The following MAST4 variants were observed in gnomAD, a reference collection of about 807,000 sequenced individuals.
MAST4 encodes microtubule associated serine/threonine kinase family member 4, also known as microtubule-associated serine/threonine-protein kinase 4.
A neutral mutation model predicts 162.7 loss-of-function variants in MAST4; 89 were observed. The observed-to-expected ratio is 0.55, with a 90% CI of 0.46 to 0.65. The LOEUF (loss-of-function observed/expected upper bound fraction) is 0.65, where lower values mean the gene tolerates loss of function less well. MAST4 is among the 30% of genes least tolerant of loss of function. The pLI, the probability that MAST4 is intolerant of heterozygous loss-of-function variation, is 0.00. For missense variants in MAST4, 3,153 were observed against 3,374.0 expected (o/e 0.93, Z 1.62); for synonymous variants, 1,479 against 1,361.1 (o/e 1.09, Z -1.91).
chr5:66,833,859 G>C (rs1757776957), intron 3 of MAST4, among the ~76,000 whole-genome samples: 1 of 152,122 alleles, frequency 6.6e-6, no homozygotes, highest in Non-Finnish European at 1.5e-5. Context: ...AGGATTACTG[G>C]TTTTGGAGTC....
intron 4 of MAST4, among the ~76,000 whole-genome samples, chr5:66,901,739 A>G (rs187997012): frequency 8.5e-5 from 13 of 152,236 alleles, no homozygotes; most frequent in Admixed American, 7.2e-4. Context: ...CTTTCAAGTG[A>G]GGTAAACCAA....
intron 1 of MAST4, among the ~76,000 whole-genome samples, chr5:66,679,034 C>T (rs551796187): frequency 1.1e-4 from 16 of 152,280 alleles, no homozygotes; most frequent in East Asian, 3.9e-4. Context: ...TCAGGTGATC[C>T]GCCTGCCTCG....
At position 66,696,595 on chromosome 5, in the gene MAST4, T is replaced by C. The variant is rs1370449464; in HGVS notation, c.364-63114T>C. Reference sequence around the variant, plus strand: ...CTCGGCTTCCTCAGTCCAACTATGTTTTCTTCCCCCAACTTCAGCTGCACA... The same window carrying C: ...CTCGGCTTCCTCAGTCCAACTATGTCTTCTTCCCCCAACTTCAGCTGCACA... On this transcript the variant is annotated intron_variant, in intron 1 of 28. Transcript: ENST00000403625. Among the ~76,000 whole-genome samples the C allele has an allele frequency of 2.0e-5, 3 of 152,180 alleles. No homozygotes were observed. The East Asian group carries it at 5.8e-4, about 29-fold the overall frequency.
At position 67,084,290 on chromosome 5, in the gene MAST4, G is replaced by A. The variant is rs191081850; in HGVS notation, c.764-5872G>A. ...TCTGTATACTGTTGTCACTGGCAGG[G>A]TTTTCTTAAAAAGTAAGTATGTTTA... is the stretch of plus-strand genomic sequence containing the variant. On this transcript the variant is annotated intron_variant, in intron 5 of 28. Transcript: ENST00000403625. Among the ~76,000 whole-genome samples the A allele has an allele frequency of 4.5e-3, 688 of 152,230 alleles. 4 individuals carry two copies. The highest frequency in any genetic ancestry group is 6.9e-3 in the Non-Finnish European group (467 of 68,006).
chr5:67,003,605 T>G (rs1177511523), intron 4 of MAST4, among the ~76,000 whole-genome samples: 1 of 152,238 alleles, frequency 6.6e-6, no homozygotes, highest in Non-Finnish European at 1.5e-5. Context: ...TCTTGCCATA[T>G]TACACCAGAC....
Position 67,167,493 on chromosome 5 carries a change from C to CA in MAST4, c.*443dup, listed in dbSNP as rs1774189504. On this transcript the variant is annotated 3_prime_UTR_variant, in exon 29 of 29. Transcript: ENST00000403625. ...ATGGTCAAAACTGGGTGTGTGTGAACAGAGATACACCCATATTCGTGTATA... is the reference window on the plus strand; with the variant it reads ...ATGGTCAAAACTGGGTGTGTGTGAACAAGAGATACACCCATATTCGTGTATA... 1 of 153,384 alleles carries CA rather than the reference C, an allele frequency of 6.5e-6. No individual in the cohort carries two copies. The highest frequency in any genetic ancestry group is 1.4e-5 in the Non-Finnish European group (1 of 69,054). The allele number at this position is 153,384 out of a possible 1,614,324, so 9.5% of individuals were successfully genotyped here.
chr5:67,156,916 C>T (rs1022899956), intron 26 of MAST4, among the ~76,000 whole-genome samples: 1 of 152,350 alleles, frequency 6.6e-6, no homozygotes, highest in African/African-American at 2.4e-5. Flanking sequence ...CTATTGTATT[C>T]AATTCCGGCA....
chr5:66,800,217 G>A (rs554228839), intron 3 of MAST4, among the ~76,000 whole-genome samples: 3 of 152,198 alleles, frequency 2.0e-5, no homozygotes, highest in African/African-American at 4.8e-5. Context: ...GAAGTTATGG[G>A]GGAAGGATAA....
intron 3 of MAST4, among the ~76,000 whole-genome samples, chr5:66,850,716 T>C (rs1040771525): frequency 6.6e-6 from 1 of 152,164 alleles, no homozygotes; most frequent in African/African-American, 2.4e-5. Flanking sequence ...TATATGCAAA[T>C]ATTCCCAAAT....
At chr5:67,148,851 G>A (rs1378239288) in intron 23 of MAST4, among the ~76,000 whole-genome samples, 3 of 152,198 alleles carry the variant, frequency 2.0e-5, no homozygotes, top group Non-Finnish European at 4.4e-5. Flanking sequence ...CCTCAGCCTA[G>A]TATGAGGTGT....
At chr5:66,687,655 TCTATCTATC>T (rs1418501581) in intron 1 of MAST4, among the ~76,000 whole-genome samples, 1,256 of 121,346 alleles carry the variant, frequency 0.01, 17 homozygotes, top group African/African-American at 0.037. Context: ...TATCTATCTA[TCTATCTATC>T]TATCTATCTA....
chr5:67,142,555 C>G, intron 21 of MAST4, 22 bp downstream of exon 21: 1 of 1,426,028 alleles, frequency 7.0e-7, no homozygotes. Context: ...GTGGCATAAA[C>G]ATACAGAGTC....
At chr5:66,824,274 T>C (rs962461209) in intron 3 of MAST4, among the ~76,000 whole-genome samples, 1 of 152,210 alleles carries the variant, frequency 6.6e-6, no homozygotes, top group African/African-American at 2.4e-5. Context: ...ATCACATTCC[T>C]AGCACACCAA....
In MAST4 at chr5:66,596,710, C is replaced by G; in HGVS notation, c.55C>G (p.His19Asp). 2.1e-6 allele frequency: 3 copies of G among 1,454,024 alleles called. No individual in the cohort carries two copies. The highest frequency in any genetic ancestry group is 2.9e-5 in the South Asian group (2 of 68,368). The allele number at this position is 1,454,024 out of a possible 1,614,324, so 90.1% of individuals were successfully genotyped here. A position where few individuals can be genotyped will look rare whatever the true frequency, so the allele number is the denominator to read the frequency against. The change falls in exon 1 of 29, where the codon CAC becomes GAC. Residue 19 changes from histidine to aspartate, a missense_variant. By Grantham distance (81) the His-to-Asp change is moderately conservative (BLOSUM62 -1). Around this residue, in one of 7 missense-constraint regions of MAST4, gnomAD observed 327 missense variants for 336.5 expected, o/e 0.97. Coordinates refer to ENST00000403625, the MANE Select transcript of MAST4 (RefSeq NM_001164664.2). ...PEPVPRGCSG[H>D]GSRTPASALV... ...GCCGGTGCCCCGCGGCTGCAGTGGC[C>G]ACGGCAGCCGGACTCCAGCCTCTGC...
chr5:67,133,305 C>G (rs1376643530), intron 16 of MAST4, among the ~76,000 whole-genome samples: 1 of 152,064 alleles, frequency 6.6e-6, no homozygotes, highest in Admixed American at 6.6e-5. Flanking sequence ...CACCTTGTCT[C>G]TAGCCCTCCC....
At chr5:66,717,461 T>C (rs1478815540) in intron 1 of MAST4, among the ~76,000 whole-genome samples, 1 of 152,232 alleles carries the variant, frequency 6.6e-6, no homozygotes, top group Non-Finnish European at 1.5e-5. Context: ...TTGACTGTTT[T>C]CTAGCAAATT....
rs191222098 is a variant in MAST4 at position 66,670,662 on chromosome 5, T to C, written c.363+73644T>C. The stretch of plus-strand genomic sequence containing the variant: ...GCAGTGTATCTCACTAGAACTATTT[T>C]GCACTGACATCCCTATAAGAACAAA... On this transcript the variant is annotated intron_variant, in intron 1 of 28. Transcript: ENST00000403625. Among the ~76,000 whole-genome samples the C allele has an allele frequency of 2.0e-5, 3 of 152,234 alleles. No individual in the cohort carries two copies. In the East Asian group the frequency reaches 5.8e-4, roughly 29 times the overall value.
chr5:66,907,617 TG>T (rs1763468115), intron 4 of MAST4, among the ~76,000 whole-genome samples: 1 of 142,562 alleles, frequency 7.0e-6, no homozygotes. Context: ...TGTGTGTGTG[TG>T]TGTGTGTGTG....
chr5:66,627,651 C>T (rs974221522), intron 1 of MAST4, among the ~76,000 whole-genome samples: 1 of 151,958 alleles, frequency 6.6e-6, no homozygotes, highest in Admixed American at 6.6e-5. Flanking sequence ...TTCTTCTAAC[C>T]ATTTATCATG....
Sources: allele counts gnomAD v4.1 joint callset (sites outside exome capture counted in the v4.1 genomes callset), GRCh38; gene constraint gnomAD v4.1.1; regional missense constraint gnomAD v4.1.1; transcripts MANE v1.5; gene names NCBI Gene and HGNC (gene_info 2026-07-23, HGNC 2026-07-21).